The following WASHC5 variants were observed in gnomAD, a reference collection of about 807,000 sequenced individuals.
WASHC5 encodes the protein WASH complex subunit 5.
Under a neutral mutation model 150.4 loss-of-function variants are expected in WASHC5, and 101 were observed. That is an observed-to-expected ratio of 0.67 (90% CI 0.57 to 0.79). WASHC5 has a LOEUF of 0.79. WASHC5 is among the 30% of genes least tolerant of loss of function. The pLI, the probability that WASHC5 is intolerant of heterozygous loss-of-function variation, is 0.00. For synonymous variants in WASHC5, 467 were observed against 491.2 expected, an observed-to-expected ratio of 0.95 and a Z score of 0.65; for missense variants, 1,195 against 1,396.3, an observed-to-expected ratio of 0.86 and a Z score of 2.30.
chr8:125,073,112 T>C (rs112381761), intron 9 of WASHC5, 41 bp downstream of exon 9: 8 of 1,599,334 alleles, frequency 5.0e-6, no homozygotes, highest in Admixed American at 3.3e-5. Flanking sequence ...TGAGAGTCTT[T>C]ATGTGGAGTA....
At chr8:125,077,218 G>A (rs1004716678) in intron 6 of WASHC5, among the ~76,000 whole-genome samples, 2 of 152,222 alleles carry the variant, frequency 1.3e-5, no homozygotes, top group Non-Finnish European at 2.9e-5. Flanking sequence ...CATGTCACAT[G>A]AAACCTGCAG....
chr8:125,039,783 C>A lies in WASHC5; in HGVS notation c.2954+12G>T. ...AAGCCCACGGATGGCTGTTTCAAACCCTGGCACTTACTTATTGAGATTCTC... is the reference window on the plus strand; with the variant it reads ...AAGCCCACGGATGGCTGTTTCAAACACTGGCACTTACTTATTGAGATTCTC... On this transcript the variant is annotated intron_variant, in intron 24 of 28. Transcript: ENST00000318410. 1.3e-6 allele frequency: 2 copies of A among 1,582,856 alleles called. No individual in the cohort carries two copies. The highest frequency in any genetic ancestry group is 1.7e-6 in the Non-Finnish European group (2 of 1,151,682).
At chr8:125,091,523 A>C (rs1477423761) in intron 1 of WASHC5, 92 bp downstream of exon 1, 1 of 151,992 alleles carries the variant, frequency 6.6e-6, no homozygotes, top group Admixed American at 6.6e-5. Flanking sequence ...GCTGCACGCG[A>C]CTCTGCAGAC....
intron 10 of WASHC5, among the ~76,000 whole-genome samples, chr8:125,065,315 T>C (rs755497354): frequency 5.9e-5 from 9 of 152,148 alleles, no homozygotes; most frequent in Non-Finnish European, 1.2e-4. Context: ...TTTGAGCAAT[T>C]TGTATTGGGT....
chr8:125,039,652 T>C, intron 24 of WASHC5, 143 bp downstream of exon 24: 1 of 686,236 alleles, frequency 1.5e-6, no homozygotes, highest in South Asian at 1.6e-5. Context: ...GAAGACAGAT[T>C]TGATTATCCG....
chr8:125,026,908 A>G (rs1355267009), intron 28 of WASHC5, among the ~76,000 whole-genome samples: 2 of 152,160 alleles, frequency 1.3e-5, no homozygotes, highest in African/African-American at 4.8e-5. Context: ...TTAAAAAAGT[A>G]CCTGAAATCT....
intron 7 of WASHC5, among the ~76,000 whole-genome samples, chr8:125,075,956 A>G (rs964004532): frequency 1.2e-4 from 18 of 152,222 alleles, no homozygotes; most frequent in African/African-American, 4.3e-4. Context: ...TATAGGTAAA[A>G]CTTTATTATT....
chr8:125,060,964 A>G, intron 12 of WASHC5, 118 bp downstream of exon 12: 2 of 692,840 alleles, frequency 2.9e-6, no homozygotes, highest in South Asian at 3.0e-5. Context: ...ATTAATTCAC[A>G]TCGCTTTTAC....
chr8:125,063,390 CA>C, intron 11 of WASHC5, 131 bp downstream of exon 11: 1 of 999,398 alleles, frequency 1.0e-6, no homozygotes. Flanking sequence ...TCTTTATTAG[CA>C]ACACTAAAGA....
In WASHC5 at chr8:125,063,943, C is replaced by T. The variant is rs115269601; in HGVS notation, c.1279-292G>A. Among the ~76,000 whole-genome samples, 3,997 of 152,192 alleles carry T rather than the reference C, an allele frequency of 0.026. 178 individuals are homozygous for T. Among genetic ancestry groups the T allele is most frequent in the African/African-American group, 0.092 (3,827 of 41,502 alleles). On this transcript the variant is annotated intron_variant, in intron 10 of 28. Transcript: ENST00000318410. ...AGGCCCACCCCCAAAGATTCTCGTT[C>T]AGGCGGTCTTGAATAGGGCCAGAAA...
intron 20 of WASHC5, 125 bp downstream of exon 20, chr8:125,047,082 G>A: frequency 8.4e-7 from 1 of 1,186,946 alleles, no homozygotes; most frequent in East Asian, 2.4e-5. Flanking sequence ...TGCCCTAAAG[G>A]GTCAGAATAT....
chr8:125,089,594 C>T (rs1037840922), intron 1 of WASHC5, among the ~76,000 whole-genome samples: 1 of 152,132 alleles, frequency 6.6e-6, no homozygotes, highest in African/African-American at 2.4e-5. Context: ...CATGACAGGG[C>T]AACAATGTGG....
At chr8:125,088,970 A>T (rs1817510686) in intron 1 of WASHC5, among the ~76,000 whole-genome samples, 1 of 152,192 alleles carries the variant, frequency 6.6e-6, no homozygotes, top group South Asian at 2.1e-4. Context: ...GAAACAGAAG[A>T]AGTAGACTGG....
intron 17 of WASHC5, among the ~76,000 whole-genome samples, chr8:125,054,604 C>T (rs757563266): frequency 6.6e-6 from 1 of 152,008 alleles, no homozygotes; most frequent in Admixed American, 6.6e-5. Flanking sequence ...GAGGCCGAGG[C>T]GGGCGGGTCA....
chr8:125,058,553 C>G (rs1816486974), intron 14 of WASHC5, among the ~76,000 whole-genome samples: 1 of 152,110 alleles, frequency 6.6e-6, no homozygotes, highest in Admixed American at 6.6e-5. Context: ...TCAAGACCAG[C>G]CTGGTCAACA....
Position 125,056,824 on chromosome 8 carries a change from T to C in WASHC5, c.1876-7A>G. ...CTGGGATGATCTGCAAAACCTTCAG[T>C]GAAAAGGAAAGCAGGAAACGCAATG... On this transcript the variant is annotated splice_polypyrimidine_tract_variant and splice_region_variant and intron_variant, in intron 15 of 28. Coordinates refer to ENST00000318410, the MANE Select transcript of WASHC5 (RefSeq NM_014846.4). 6.2e-7 allele frequency: 1 copy of C among 1,614,088 alleles called. No homozygotes were observed. Among genetic ancestry groups the C allele is most frequent in the South Asian group, 1.1e-5 (1 of 91,078 alleles).
chr8:125,091,240 A>G (rs898016568), intron 1 of WASHC5, among the ~76,000 whole-genome samples: 6 of 152,128 alleles, frequency 3.9e-5, no homozygotes, highest in East Asian at 1.9e-4. Context: ...CCATGGCATA[A>G]CTAGAATGCA....
chr8:125,052,637 C>CACACACACACACACAT (rs1414587856), intron 17 of WASHC5, among the ~76,000 whole-genome samples: 2 of 151,314 alleles, frequency 1.3e-5, no homozygotes, highest in East Asian at 1.9e-4. Flanking sequence ...CACACACACA[C>CACACACACACACACAT]ACATACATAC....
chr8:125,037,954 G>A lies in WASHC5; in HGVS notation c.3085-621C>T, dbSNP rs543004143. ...TTCCATAGGAGACAGGGTAGCACAC[G>A]GGTCAGAAGCAGGGGCTCTGGTCAG... On this transcript the variant is annotated intron_variant, in intron 25 of 28. Coordinates refer to ENST00000318410, the MANE Select transcript of WASHC5 (RefSeq NM_014846.4). Among the ~76,000 whole-genome samples the A allele has an allele frequency of 1.1e-3, 173 of 152,274 alleles. 2 individuals are homozygous for A. Among genetic ancestry groups the A allele is most frequent in the African/African-American group, 3.8e-3 (158 of 41,548 alleles).
Sources: allele counts gnomAD v4.1 joint callset (sites outside exome capture counted in the v4.1 genomes callset), GRCh38; gene constraint gnomAD v4.1.1; transcripts MANE v1.5; gene names NCBI Gene and HGNC (gene_info 2026-07-23, HGNC 2026-07-21).